KCND2: variants seen among roughly 807,000 people sequenced by gnomAD.
KCND2 encodes potassium voltage-gated channel subfamily D member 2.
KCND2 carries 16 observed loss-of-function variants against 54.4 expected under a neutral mutation model. That is an observed-to-expected ratio of 0.29 (90% CI 0.20 to 0.45). The LOEUF is 0.45. KCND2 is among the 20% of genes least tolerant of loss of function. The probability of loss-of-function intolerance (pLI) is 1.00; values close to 1 mark genes in which losing one functional copy is unlikely to be tolerated. For synonymous variants in KCND2, 317 were observed against 310.7 expected (o/e 1.02, Z -0.21); for missense variants, 486 against 824.2 (o/e 0.59, Z 5.02).
At chr7:120,655,746 C>T (rs1031856488) in intron 1 of KCND2, among the ~76,000 whole-genome samples, 4 of 152,016 alleles carry the variant, frequency 2.6e-5, no homozygotes, top group African/African-American at 9.7e-5. Context: ...AAAACTACTG[C>T]GCTGTACCCT....
intron 1 of KCND2, among the ~76,000 whole-genome samples, chr7:120,339,537 G>C (rs958561527): frequency 8.4e-6 from 1 of 119,530 alleles, no homozygotes; most frequent in Non-Finnish European, 1.9e-5. Context: ...GTGTGTGTGT[G>C]TGTCTGCGTG....
intron 1 of KCND2, among the ~76,000 whole-genome samples, chr7:120,335,657 T>C (rs1201542072): frequency 6.6e-6 from 1 of 151,866 alleles, no homozygotes; most frequent in African/African-American, 2.4e-5. Context: ...GGCTAATTTT[T>C]TGTATTTTTA....
chr7:120,671,211 G>T (rs1562904563), intron 1 of KCND2, among the ~76,000 whole-genome samples: 1 of 152,040 alleles, frequency 6.6e-6, no homozygotes, highest in Non-Finnish European at 1.5e-5. Flanking sequence ...CCAGGGTCCG[G>T]TTTCGTGGAA....
chr7:120,353,173 A>G (rs1800443007), intron 1 of KCND2, among the ~76,000 whole-genome samples: 4 of 135,418 alleles, frequency 3.0e-5, no homozygotes, highest in African/African-American at 1.1e-4. Flanking sequence ...AAACTATAAC[A>G]CACAGCCTGA....
At chr7:120,607,529 G>A (rs759518277) in intron 1 of KCND2, among the ~76,000 whole-genome samples, 16 of 151,864 alleles carry the variant, frequency 1.1e-4, no homozygotes, top group Admixed American at 1.3e-4. Flanking sequence ...TTCATTCATC[G>A]TACATACACC....
At chr7:120,661,660 A>G (rs1791867925) in intron 1 of KCND2, among the ~76,000 whole-genome samples, 1 of 145,780 alleles carries the variant, frequency 6.9e-6, no homozygotes, top group Non-Finnish European at 1.5e-5. Context: ...AAAAAAAAAA[A>G]AGAAAGAAAG....
intron 1 of KCND2, among the ~76,000 whole-genome samples, chr7:120,702,480 C>G (rs1466089930): frequency 1.3e-5 from 2 of 152,122 alleles, no homozygotes; most frequent in Admixed American, 6.5e-5. Flanking sequence ...CTCATAAAGA[C>G]ACATGCACGT....
chr7:120,549,353 G>A lies in KCND2; in HGVS notation c.1116-183550G>A, dbSNP rs150726225. On this transcript the variant is annotated intron_variant, in intron 1 of 5. Transcript: ENST00000331113. ...TAGAAATTAGCTATTTTCTATTGAG[G>A]ACATAGATGAAAGATGTAGAAAAAT... Among the ~76,000 whole-genome samples the A allele has an allele frequency of 9.3e-4, 141 of 152,198 alleles. 1 individual carries two copies. The highest frequency in any genetic ancestry group is 3.3e-3 in the African/African-American group (138 of 41,516).
intron 1 of KCND2, among the ~76,000 whole-genome samples, chr7:120,366,452 C>T (rs919268860): frequency 5.7e-5 from 8 of 139,292 alleles, no homozygotes; most frequent in Middle Eastern, 3.4e-3. Context: ...TGTGCCACTG[C>T]ACTCCAGCTT....
chr7:120,552,285 A>G (rs934596399), intron 1 of KCND2, among the ~76,000 whole-genome samples: 13 of 152,208 alleles, frequency 8.5e-5, no homozygotes, highest in African/African-American at 2.7e-4. Context: ...AGTAACTAAT[A>G]GTGAGAACAG....
chr7:120,348,535 AC>A (rs531206744), intron 1 of KCND2, among the ~76,000 whole-genome samples: 8 of 152,230 alleles, frequency 5.3e-5, no homozygotes, highest in Non-Finnish European at 1.0e-4. Context: ...AACACTAACT[AC>A]CTTTATACAT....
intron 1 of KCND2, among the ~76,000 whole-genome samples, chr7:120,721,382 C>A (rs1369481454): frequency 1.3e-5 from 2 of 152,110 alleles, no homozygotes; most frequent in Non-Finnish European, 2.9e-5. Context: ...TAAGAAGAGG[C>A]AAAATAATCC....
chr7:120,611,100 G>A (rs1418683609), intron 1 of KCND2, among the ~76,000 whole-genome samples: 2 of 152,174 alleles, frequency 1.3e-5, no homozygotes, highest in East Asian at 3.8e-4. Flanking sequence ...CAGCCCTCTT[G>A]AAGTCATGTA....
intron 1 of KCND2, among the ~76,000 whole-genome samples, chr7:120,666,274 A>C (rs1791925957): frequency 6.6e-6 from 1 of 152,080 alleles, no homozygotes; most frequent in Non-Finnish European, 1.5e-5. Context: ...ATTGAAAAGC[A>C]GGAATAAAGA....
chr7:120,445,650 A>T (rs1802009341), intron 1 of KCND2, among the ~76,000 whole-genome samples: 1 of 152,150 alleles, frequency 6.6e-6, no homozygotes. Context: ...ATATTATCTT[A>T]TTTTTAACAT....
At chr7:120,416,810 A>G (rs1290225534) in intron 1 of KCND2, among the ~76,000 whole-genome samples, 1 of 151,868 alleles carries the variant, frequency 6.6e-6, no homozygotes, top group Non-Finnish European at 1.5e-5. Flanking sequence ...CTTTAAAAAT[A>G]ATTATAATCA....
In KCND2 at chr7:120,307,217, A is replaced by G. The variant is rs959218524; in HGVS notation, c.1115+31470A>G. Among the ~76,000 whole-genome samples, 3 of 150,914 alleles carry G rather than the reference A, an allele frequency of 2.0e-5. No homozygotes were observed. The South Asian group carries it at 6.3e-4, about 32-fold the overall frequency. ...TGTTTAACTTCATTTTTATGTAGAGAAAAAAAAACCTTCACATCAAATAAG... is the reference window on the plus strand; with the variant it reads ...TGTTTAACTTCATTTTTATGTAGAGGAAAAAAAACCTTCACATCAAATAAG... On this transcript the variant is annotated intron_variant, in intron 1 of 5. Transcript: ENST00000331113.
intron 1 of KCND2, among the ~76,000 whole-genome samples, chr7:120,489,533 TCTC>T (rs2116296770): frequency 6.6e-6 from 1 of 152,172 alleles, no homozygotes; most frequent in Non-Finnish European, 1.5e-5. Flanking sequence ...ATTACAAAGA[TCTC>T]CTTGTGTTCC....
intron 1 of KCND2, among the ~76,000 whole-genome samples, chr7:120,605,082 T>A (rs2116478232): frequency 6.6e-6 from 1 of 152,362 alleles, no homozygotes; most frequent in Non-Finnish European, 1.5e-5. Flanking sequence ...TCTGCAGCAG[T>A]GGTTTTCAAA....
Sources: allele counts gnomAD v4.1 joint callset (sites outside exome capture counted in the v4.1 genomes callset), GRCh38; gene constraint gnomAD v4.1.1; transcripts MANE v1.5; gene names NCBI Gene and HGNC (gene_info 2026-07-23, HGNC 2026-07-21).